The following TRPM3 variants were observed in gnomAD, a reference collection of about 807,000 sequenced individuals.
TRPM3 encodes transient receptor potential cation channel subfamily M member 3.
TRPM3 carries 77 observed loss-of-function variants against 181.2 expected under a neutral mutation model. The observed-to-expected ratio is 0.42, with a 90% CI of 0.35 to 0.51. TRPM3 has a LOEUF of 0.51. Ranked by LOEUF, TRPM3 falls within the 20% of genes least tolerant of loss-of-function variation. TRPM3 has a pLI of 0.01. For missense variants in TRPM3, 1,759 were observed against 2,196.7 expected (o/e 0.80, Z 3.98); for synonymous variants, 745 against 796.4 (o/e 0.94, Z 1.09).
intron 1 of TRPM3, among the ~76,000 whole-genome samples, chr9:71,257,908 A>G (rs1305728887): frequency 6.6e-6 from 1 of 152,174 alleles, no homozygotes; most frequent in Non-Finnish European, 1.5e-5. Flanking sequence ...ATATTTCTTT[A>G]TCAGATATGC....
chr9:71,032,169 TTATATATACTATATATTATATAATATAA>T (rs2057592564), intron 1 of TRPM3, among the ~76,000 whole-genome samples: 1 of 106,126 alleles, frequency 9.4e-6, no homozygotes, highest in African/African-American at 3.2e-5. Flanking sequence ...ATATAATATA[TTATATATACTATATATTATATAATATAA>T]TATATAATAT....
In TRPM3 at chr9:70,535,882, G is replaced by A. The variant is rs2041593470; in HGVS notation, c.*71C>T. ...TAAAGCAGGTATGATTCAAGGAAAG[G>A]GGAAAAACTGGAGTTGGAGAGAATT... is the stretch of plus-strand genomic sequence containing the variant. On this transcript the variant is annotated 3_prime_UTR_variant, in exon 26 of 26. Transcript: ENST00000677713. 2.6e-6 allele frequency: 4 copies of A among 1,524,048 alleles called. No homozygotes were observed. The Admixed American group carries it at 6.7e-5, about 25-fold the overall frequency. The allele number at this position is 1,524,048 out of a possible 1,614,324, so 94.4% of individuals were successfully genotyped here. A position where few individuals can be genotyped will look rare whatever the true frequency, so the allele number is the denominator to read the frequency against.
At chr9:70,956,330 C>A (rs2097071627) in intron 1 of TRPM3, among the ~76,000 whole-genome samples, 1 of 103,874 alleles carries the variant, frequency 9.6e-6, no homozygotes, top group Admixed American at 1.3e-4. Flanking sequence ...CCTTAGAAAG[C>A]ACTGGCTTCT....
intron 1 of TRPM3, among the ~76,000 whole-genome samples, chr9:70,975,029 G>C (rs973971998): frequency 2.0e-5 from 3 of 151,650 alleles, no homozygotes; most frequent in African/African-American, 7.3e-5. Flanking sequence ...CACCACATCT[G>C]GCTAATTTTT....
intron 1 of TRPM3, among the ~76,000 whole-genome samples, chr9:71,128,822 C>T (rs1472974695): frequency 6.6e-6 from 1 of 152,214 alleles, no homozygotes; most frequent in East Asian, 1.9e-4. Flanking sequence ...AGTCAGATTT[C>T]TTGGCCAATG....
chr9:70,960,826 G>C (rs1378329354), intron 1 of TRPM3, among the ~76,000 whole-genome samples: 1 of 152,056 alleles, frequency 6.6e-6, no homozygotes, highest in Non-Finnish European at 1.5e-5. Flanking sequence ...CCTGGCCACC[G>C]CTCTGCCTTT....
intron 21 of TRPM3, among the ~76,000 whole-genome samples, chr9:70,595,349 G>A (rs1254804396): frequency 6.6e-6 from 1 of 152,142 alleles, no homozygotes; most frequent in African/African-American, 2.4e-5. Context: ...CTCAACAGAG[G>A]CCAATTTCAT....
At chr9:70,605,228 T>C (rs1407951931) in intron 19 of TRPM3, among the ~76,000 whole-genome samples, 1 of 152,076 alleles carries the variant, frequency 6.6e-6, no homozygotes, top group African/African-American at 2.4e-5. Context: ...AGTGCTGGGA[T>C]TACAGGTGTG....
chr9:71,342,218 C>G (rs971910351), intron 1 of TRPM3, among the ~76,000 whole-genome samples: 1 of 142,928 alleles, frequency 7.0e-6, no homozygotes, highest in East Asian at 2.0e-4. Flanking sequence ...ATGTGCCAAA[C>G]TTTATGGAGA....
rs139575787 is a variant in TRPM3 at position 70,618,874 on chromosome 9, C to A, written c.2351G>T (p.Gly784Val). 512 of 1,605,534 alleles carry A rather than the reference C, an allele frequency of 3.2e-4. No individual in the cohort carries two copies. The highest frequency in any genetic ancestry group is 1.2e-3 in the Middle Eastern group (7 of 6,058). Residue 784 changes from glycine to valine, a missense_variant, in exon 17 of 26, where the codon GGC (glycine) becomes GTC (valine). Gly to Val is a moderately radical substitution (Grantham distance 109). Transcript: ENST00000677713. Reference protein sequence around the residue: ...MGRLRMRKNSGLKVILGILLP... With the variant: ...MGRLRMRKNSVLKVILGILLP... The stretch of plus-strand genomic sequence containing the variant: ...CTTATTGGGCGCCCTGACCTTGAGG[C>A]CTGAGTTCTTGCGCATGCGGAGCCG...
chr9:71,141,465 T>C (rs906086224), intron 1 of TRPM3, among the ~76,000 whole-genome samples: 28 of 152,204 alleles, frequency 1.8e-4, no homozygotes, highest in Non-Finnish European at 4.4e-5. Context: ...TTAGCTTTGA[T>C]TTCATTCTTT....
chr9:70,750,448 T>G (rs2075938297), intron 8 of TRPM3, among the ~76,000 whole-genome samples: 1 of 152,150 alleles, frequency 6.6e-6, no homozygotes, highest in Admixed American at 6.5e-5. Flanking sequence ...AGTTAACAAG[T>G]CAGGCCTGGG....
intron 7 of TRPM3, among the ~76,000 whole-genome samples, chr9:70,771,752 T>C (rs779436936): frequency 6.6e-6 from 1 of 152,174 alleles, no homozygotes; most frequent in Non-Finnish European, 1.5e-5. Flanking sequence ...CTCCCCTCAG[T>C]GCTAATCAAG....
chr9:70,569,297 C>A (rs2051530799), intron 22 of TRPM3, among the ~76,000 whole-genome samples: 1 of 152,170 alleles, frequency 6.6e-6, no homozygotes, highest in Admixed American at 6.5e-5. Flanking sequence ...TTAGGCATAG[C>A]TATGTGCACC....
chr9:71,303,783 G>A (rs2087000571), intron 1 of TRPM3, among the ~76,000 whole-genome samples: 1 of 152,018 alleles, frequency 6.6e-6, no homozygotes, highest in African/African-American at 2.4e-5. Context: ...AGAACATAAA[G>A]GTGTTACATT....
intron 1 of TRPM3, among the ~76,000 whole-genome samples, chr9:71,258,217 T>C (rs2132056239): frequency 6.6e-6 from 1 of 152,284 alleles, no homozygotes; most frequent in East Asian, 1.9e-4. Context: ...CCAATAACAT[T>C]ATACAGTGAA....
chr9:71,261,844 G>C (rs1486262974), intron 1 of TRPM3, among the ~76,000 whole-genome samples: 1 of 152,174 alleles, frequency 6.6e-6, no homozygotes, highest in Non-Finnish European at 1.5e-5. Context: ...CTGCAAAACA[G>C]CAAAGGTTCC....
intron 1 of TRPM3, among the ~76,000 whole-genome samples, chr9:70,958,459 T>G (rs895767982): frequency 1.3e-5 from 2 of 152,170 alleles, no homozygotes; most frequent in East Asian, 3.9e-4. Flanking sequence ...CCTGACTTTT[T>G]AATGATTGCC....
At chr9:70,788,163 TCCCCCCA>T (rs1564293139) in intron 6 of TRPM3, among the ~76,000 whole-genome samples, 2 of 54,294 alleles carry the variant, frequency 3.7e-5, no homozygotes, top group African/African-American at 1.4e-4. Context: ...CCCTCCCCCC[TCCCCCCA>T]CCCCACCACA....
Sources: allele counts gnomAD v4.1 joint callset (sites outside exome capture counted in the v4.1 genomes callset), GRCh38; gene constraint gnomAD v4.1.1; transcripts MANE v1.5; gene names NCBI Gene and HGNC (gene_info 2026-07-23, HGNC 2026-07-21).